Variants in TOMM70 observed in about 807,000 individuals in gnomAD.
TOMM70 encodes translocase of outer mitochondrial membrane 70, also known as mitochondrial import receptor subunit TOM70.
Under a neutral mutation model 73.6 loss-of-function variants are expected in TOMM70, and 13 were observed. The observed-to-expected ratio is 0.18, with a 90% CI of 0.11 to 0.28. TOMM70 has a LOEUF of 0.28. TOMM70 is among the 10% of genes least tolerant of loss of function. TOMM70 has a pLI of 1.00. For missense variants in TOMM70, 609 were observed against 747.5 expected, an observed-to-expected ratio of 0.81 and a Z score of 2.16; for synonymous variants, 257 against 271.2, an observed-to-expected ratio of 0.95 and a Z score of 0.51.
At chr3:100,366,636 C>T (rs1706449739) in intron 11 of TOMM70, among the ~76,000 whole-genome samples, 1 of 152,196 alleles carries the variant, frequency 6.6e-6, no homozygotes, top group Non-Finnish European at 1.5e-5. Context: ...AGCAGATCTG[C>T]AAAATCCTAG....
At chr3:100,379,674 T>C (rs1411804113) in intron 5 of TOMM70, among the ~76,000 whole-genome samples, 1 of 152,200 alleles carries the variant, frequency 6.6e-6, no homozygotes, top group Admixed American at 6.5e-5. Context: ...TGGAGTGCAG[T>C]GGCATGATCT....
chr3:100,377,591 C>A, intron 6 of TOMM70, 114 bp downstream of exon 6: 1 of 979,102 alleles, frequency 1.0e-6, no homozygotes, highest in Non-Finnish European at 1.5e-6. Context: ...TCTTCAAAAA[C>A]AAAAACAGCC....
chr3:100,381,193 G>A (rs1162231678), intron 5 of TOMM70, among the ~76,000 whole-genome samples: 5 of 151,922 alleles, frequency 3.3e-5, no homozygotes, highest in African/African-American at 9.7e-5. Flanking sequence ...AAAAATCCTT[G>A]AAAAAATTCA....
At chr3:100,370,440 ATTGT>A (rs892833453) in intron 9 of TOMM70, among the ~76,000 whole-genome samples, 1 of 152,194 alleles carries the variant, frequency 6.6e-6, no homozygotes, top group African/African-American at 2.4e-5. Context: ...ATTTTCCCCA[ATTGT>A]TTGTCATAGT....
At chr3:100,380,217 A>G (rs1706616796) in intron 5 of TOMM70, among the ~76,000 whole-genome samples, 2 of 152,056 alleles carry the variant, frequency 1.3e-5, no homozygotes, top group Admixed American at 1.3e-4. Context: ...TCGTGGCATG[A>G]GCCTGTAATC....
At chr3:100,391,238 T>C (rs1026695700) in intron 1 of TOMM70, among the ~76,000 whole-genome samples, 5 of 152,238 alleles carry the variant, frequency 3.3e-5, no homozygotes, top group African/African-American at 7.2e-5. Context: ...ACTATACATA[T>C]ACTATACTTT....
At chr3:100,374,613 T>C (rs1477206455) in intron 7 of TOMM70, among the ~76,000 whole-genome samples, 1 of 152,226 alleles carries the variant, frequency 6.6e-6, no homozygotes, top group Non-Finnish European at 1.5e-5. Flanking sequence ...GATAAATATA[T>C]TTATTTTTAC....
At chr3:100,387,332 G>A (rs1167546267) in intron 1 of TOMM70, among the ~76,000 whole-genome samples, 3 of 151,932 alleles carry the variant, frequency 2.0e-5, no homozygotes, top group Admixed American at 1.3e-4. Flanking sequence ...CTGCAGTCCC[G>A]ACTACCCGGG....
chr3:100,388,110 T>G (rs551104600), intron 1 of TOMM70, among the ~76,000 whole-genome samples: 81 of 152,240 alleles, frequency 5.3e-4, no homozygotes, highest in African/African-American at 1.9e-3. Context: ...CATTTGTCAG[T>G]AGACTTAATT....
intron 9 of TOMM70, among the ~76,000 whole-genome samples, chr3:100,369,356 G>A (rs1437650270): frequency 6.6e-6 from 1 of 152,050 alleles, no homozygotes; most frequent in African/African-American, 2.4e-5. Context: ...TCAGCAAGTG[G>A]TTAGTTATAT....
At position 100,401,030 on chromosome 3, in the gene TOMM70, A is replaced by G; in HGVS notation, c.-81T>C. 1 of 1,399,346 alleles carries G rather than the reference A, an allele frequency of 7.1e-7. No individual in the cohort carries two copies. The highest frequency in any genetic ancestry group is 1.5e-5 in the African/African-American group (1 of 68,180). The allele number at this position is 1,399,346 out of a possible 1,614,324, so 86.7% of individuals were successfully genotyped here. A position where few individuals can be genotyped will look rare whatever the true frequency, so the allele number is the denominator to read the frequency against. ...ACAGCGTGCGAAGGAAGACCGAGGG[A>G]GGGAAGGAAAGCAATGAGCGAGCGA... On this transcript the variant is annotated 5_prime_UTR_variant, in exon 1 of 12. Transcript: ENST00000284320.
intron 6 of TOMM70, among the ~76,000 whole-genome samples, chr3:100,376,368 A>ATTTTTTTTTTTTTTTTTTTTTTTTT (rs1559831461): frequency 9.3e-6 from 1 of 107,898 alleles, no homozygotes; most frequent in African/African-American, 6.1e-5. Context: ...TTCACACAGA[A>ATTTTTTTTTTTTTTTTTTTTTTTTT]GTTTTTTTTT....
At chr3:100,374,919 T>G in intron 7 of TOMM70, 99 bp downstream of exon 7, 3 of 1,351,426 alleles carry the variant, frequency 2.2e-6, no homozygotes, top group Non-Finnish European at 2.9e-6. Context: ...CTATCAGAAA[T>G]TATATAAGAA....
chr3:100,396,893 T>C (rs1335840464), intron 1 of TOMM70, among the ~76,000 whole-genome samples: 1 of 152,210 alleles, frequency 6.6e-6, no homozygotes, highest in South Asian at 2.1e-4. Flanking sequence ...AGAAAAAAGG[T>C]AATTGTGCAC....
Position 100,400,954 on chromosome 3 carries a change from A to T in TOMM70, c.-5T>A. The T allele has an allele frequency of 6.5e-7, 1 of 1,528,858 alleles. No individual in the cohort carries two copies. Among genetic ancestry groups the T allele is most frequent in the Non-Finnish European group, 8.7e-7 (1 of 1,144,220 alleles). 94.7% of individuals were successfully genotyped at this position (1,528,858 alleles called of 1,614,324 possible). On this transcript the variant is annotated 5_prime_UTR_variant, in exon 1 of 12. The change creates a new upstream start codon in the 5' untranslated region. Coordinates refer to ENST00000284320, the MANE Select transcript of TOMM70 (RefSeq NM_014820.5). ...CACAGGTTTAGAGGCGGCCATGACA[A>T]GTGTCCTCTGCCACCGCCTCCCTGT...
chr3:100,364,697 C>G lies in TOMM70; in HGVS notation c.*867G>C, dbSNP rs1433576969. ...GCCTCAGCCTCCCTAGTAGCTGAGACTATAAATAGTATATACAGTGCCACT... is the reference window on the plus strand; with the variant it reads ...GCCTCAGCCTCCCTAGTAGCTGAGAGTATAAATAGTATATACAGTGCCACT... On this transcript the variant is annotated 3_prime_UTR_variant, in exon 12 of 12. Coordinates refer to ENST00000284320, the MANE Select transcript of TOMM70 (RefSeq NM_014820.5). 1 of 152,106 alleles carries G rather than the reference C, an allele frequency of 6.6e-6. No individual in the cohort carries two copies. The highest frequency in any genetic ancestry group is 1.5e-5 in the Non-Finnish European group (1 of 68,024). 9.4% of individuals were successfully genotyped at this position (152,106 alleles called of 1,614,324 possible). A position where few individuals can be genotyped will look rare whatever the true frequency, so the allele number is the denominator to read the frequency against.
At chr3:100,385,235 CT>C (rs1706677669) in intron 3 of TOMM70, among the ~76,000 whole-genome samples, 1 of 152,320 alleles carries the variant, frequency 6.6e-6, no homozygotes, top group East Asian at 1.9e-4. Context: ...ATGTCAATGT[CT>C]TTTTTCCCAT....
chr3:100,369,257 G>A, intron 9 of TOMM70, 122 bp from the exon 10 acceptor site: 1 of 687,476 alleles, frequency 1.5e-6, no homozygotes. Context: ...ACGTTTTGGG[G>A]ATACAGACTG....
rs774789732 is a variant in TOMM70, at chr3:100,365,558, CCT to C, written c.*4_*5del. ...AAAAAGAGGGTCAGTCTGCTTTCCC[CCT>C]GTTTTATAATGTTGGTGGTTTTAAT... On this transcript the variant is annotated 3_prime_UTR_variant, in exon 12 of 12. Transcript: ENST00000284320. 203 of 1,613,994 alleles carry C rather than the reference CCT, an allele frequency of 1.3e-4. No individual in the cohort carries two copies. Among genetic ancestry groups the C allele is most frequent in the East Asian group, 4.9e-4 (22 of 44,896 alleles).
Sources: gnomAD v4.1 joint callset for allele counts (sites outside exome capture counted in the v4.1 genomes callset) on GRCh38, gnomAD v4.1.1 for gene constraint, MANE v1.5 for transcripts, NCBI Gene and HGNC (gene_info 2026-07-23, HGNC 2026-07-21) for gene names.